MAPKAP1: variants seen among roughly 807,000 people sequenced by gnomAD.
MAPKAP1 encodes MAPK associated protein 1, also known as target of rapamycin complex 2 subunit MAPKAP1.
MAPKAP1 carries 20 observed loss-of-function variants against 65.7 expected under a neutral mutation model. The ratio of observed to expected loss-of-function variants is 0.30; its 90% CI spans 0.21 to 0.44. MAPKAP1 has a LOEUF of 0.44. MAPKAP1 is among the 20% of genes least tolerant of loss of function. The pLI, the probability that MAPKAP1 is intolerant of heterozygous loss-of-function variation, is 1.00. For missense variants in MAPKAP1, 423 were observed against 648.0 expected (o/e 0.65, Z 3.77); for synonymous variants, 222 against 244.3 (o/e 0.91, Z 0.85).
intron 9 of MAPKAP1, among the ~76,000 whole-genome samples, chr9:125,475,214 C>G (rs886810213): frequency 6.6e-6 from 1 of 152,172 alleles, no homozygotes; most frequent in African/African-American, 2.4e-5. Flanking sequence ...CCCATACTAC[C>G]AGGCCAGGGC....
intron 10 of MAPKAP1, among the ~76,000 whole-genome samples, chr9:125,451,310 C>T (rs899873415): frequency 2.6e-5 from 4 of 152,218 alleles, no homozygotes; most frequent in African/African-American, 9.6e-5. Flanking sequence ...CTTGGGTCCA[C>T]GTCTCCAGTC....
chr9:125,452,326 T>C (rs1476456163), intron 10 of MAPKAP1, among the ~76,000 whole-genome samples: 4 of 152,104 alleles, frequency 2.6e-5, no homozygotes, highest in Admixed American at 1.3e-4. Context: ...CTCGAACTCC[T>C]GGCCTCAAGT....
intron 4 of MAPKAP1, among the ~76,000 whole-genome samples, chr9:125,590,173 G>A (rs994463270): frequency 2.6e-5 from 4 of 152,276 alleles, no homozygotes; most frequent in African/African-American, 7.2e-5. Context: ...AAGATTCAAC[G>A]AGATGACAAA....
chr9:125,596,797 C>T (rs1240207055), intron 4 of MAPKAP1, among the ~76,000 whole-genome samples: 2 of 152,118 alleles, frequency 1.3e-5, no homozygotes, highest in Non-Finnish European at 2.9e-5. Flanking sequence ...GCAAAAAACT[C>T]GAGGACTGTA....
chr9:125,664,384 T>C (rs1378138791), intron 3 of MAPKAP1, among the ~76,000 whole-genome samples: 1 of 150,250 alleles, frequency 6.7e-6, no homozygotes, highest in Non-Finnish European at 1.5e-5. Flanking sequence ...AAATAACAGA[T>C]TTATTTACAA....
At chr9:125,591,815 G>C (rs769484871) in intron 4 of MAPKAP1, among the ~76,000 whole-genome samples, 1 of 152,066 alleles carries the variant, frequency 6.6e-6, no homozygotes, top group Non-Finnish European at 1.5e-5. Flanking sequence ...TTAAAAAAAC[G>C]GTGACCGAAG....
intron 1 of MAPKAP1, among the ~76,000 whole-genome samples, chr9:125,694,434 T>C (rs1835324068): frequency 6.6e-6 from 1 of 152,068 alleles, no homozygotes; most frequent in Non-Finnish European, 1.5e-5. Context: ...ACAATTTGAA[T>C]GCCAATACCA....
At chr9:125,658,359 G>C (rs73667029) in intron 3 of MAPKAP1, among the ~76,000 whole-genome samples, 4,246 of 152,280 alleles carry the variant, frequency 0.028, 199 homozygotes, top group African/African-American at 0.097. Flanking sequence ...AACATTTATT[G>C]CTGCTCGGCC....
chr9:125,568,147 A>G (rs1479842902), intron 5 of MAPKAP1, among the ~76,000 whole-genome samples: 4 of 152,136 alleles, frequency 2.6e-5, no homozygotes, highest in Admixed American at 6.5e-5. Context: ...ACCTTGGGTT[A>G]GAGGCCCAAC....
At chr9:125,517,139 C>T (rs1352761645) in intron 7 of MAPKAP1, among the ~76,000 whole-genome samples, 1 of 152,144 alleles carries the variant, frequency 6.6e-6, no homozygotes, top group African/African-American at 2.4e-5. Flanking sequence ...AAAGCCTGTG[C>T]TCTTCACCAC....
rs949077539 is a variant in MAPKAP1, at chr9:125,693,506, C to T, written c.-70+13465G>A. On this transcript the variant is annotated intron_variant, in intron 1 of 11. Coordinates refer to ENST00000265960, the MANE Select transcript of MAPKAP1 (RefSeq NM_001006617.3). ...ATACACATATATACACACATATATACACATACACACACATATATACACATA... is the reference window on the plus strand; with the variant it reads ...ATACACATATATACACACATATATATACATACACACACATATATACACATA... Among the ~76,000 whole-genome samples, 37 of 141,224 alleles carry T rather than the reference C, an allele frequency of 2.6e-4. 1 individual carries two copies. Among genetic ancestry groups the T allele is most frequent in the Non-Finnish European group, 3.6e-4 (24 of 66,670 alleles). The allele number at this position is 141,224 out of a possible 152,430, so 92.6% of individuals were successfully genotyped here.
In MAPKAP1 at chr9:125,657,660, A is replaced by G. The variant is rs754131137; in HGVS notation, c.489T>C (p.Phe163=). The change falls in exon 4 of 12, where the codon TTT becomes TTC. Residue 163 remains phenylalanine (F), a synonymous_variant. Coordinates refer to ENST00000265960, the MANE Select transcript of MAPKAP1 (RefSeq NM_001006617.3). ...TCTCATTTTTACTTACCTTGCCATC[A>G]AATTTGGAATACTCGTTAAAAGGGT... ...LNNPFNEYSK[F]DGKGHVGTTA... is the part of the protein sequence containing the mutation. 1 of 1,603,394 alleles carries G rather than the reference A, an allele frequency of 6.2e-7. No homozygotes were observed. Among genetic ancestry groups the G allele is most frequent in the Non-Finnish European group, 8.5e-7 (1 of 1,176,178 alleles).
intron 1 of MAPKAP1, among the ~76,000 whole-genome samples, chr9:125,680,056 G>A (rs1834775214): frequency 6.6e-6 from 1 of 152,016 alleles, no homozygotes; most frequent in South Asian, 2.1e-4. Context: ...TCTGCTGAGG[G>A]AGTTAACAAC....
chr9:125,518,349 C>T (rs1589252769), intron 7 of MAPKAP1, among the ~76,000 whole-genome samples: 4 of 151,950 alleles, frequency 2.6e-5, no homozygotes, highest in East Asian at 1.9e-4. Context: ...ATCTGTAATC[C>T]CACATTACAT....
intron 4 of MAPKAP1, among the ~76,000 whole-genome samples, chr9:125,631,892 C>T (rs1392319853): frequency 2.0e-5 from 3 of 152,142 alleles, no homozygotes; most frequent in East Asian, 3.9e-4. Flanking sequence ...TTCTCCCATG[C>T]GAAGCCCAGG....
chr9:125,597,913 T>G, intron 4 of MAPKAP1, among the ~76,000 whole-genome samples: 1 of 152,158 alleles, frequency 6.6e-6, no homozygotes, highest in East Asian at 1.9e-4. Flanking sequence ...TTTAATAACA[T>G]AGTAGGCAGA....
chr9:125,485,440 C>G (rs981754552), intron 8 of MAPKAP1, among the ~76,000 whole-genome samples: 15 of 152,254 alleles, frequency 9.9e-5, no homozygotes, highest in Admixed American at 9.8e-4. Context: ...TCTTCCCTGG[C>G]TCCACGGCCT....
At chr9:125,556,500 T>C (rs1830738978) in intron 6 of MAPKAP1, among the ~76,000 whole-genome samples, 1 of 152,254 alleles carries the variant, frequency 6.6e-6, no homozygotes, top group Admixed American at 6.5e-5. Flanking sequence ...AAATTGTTCA[T>C]AAAAACTGGG....
At chr9:125,644,836 A>G (rs642687) in intron 4 of MAPKAP1, among the ~76,000 whole-genome samples, 152,193 of 152,354 alleles carry the variant, frequency 1, 76,016 homozygotes, top group Middle Eastern at 1. Context: ...GATAATATCC[A>G]TTTCTAGTTC....
Sources: gnomAD v4.1 joint callset for allele counts (sites outside exome capture counted in the v4.1 genomes callset) on GRCh38, gnomAD v4.1.1 for gene constraint, MANE v1.5 for transcripts, NCBI Gene and HGNC (gene_info 2026-07-23, HGNC 2026-07-21) for gene names.